Variants in ERMARD observed in about 807,000 individuals in gnomAD.
ERMARD encodes the protein endoplasmic reticulum membrane-associated RNA degradation protein.
Under a neutral mutation model 83.9 loss-of-function variants are expected in ERMARD, and 71 were observed. That is an observed-to-expected ratio of 0.85 (90% CI 0.70 to 1.03). The LOEUF (loss-of-function observed/expected upper bound fraction) is 1.03. Ranked by LOEUF, ERMARD falls within the 50% of genes least tolerant of loss-of-function variation. The probability of loss-of-function intolerance (pLI) is 0.00; values close to 1 mark genes in which losing one functional copy is unlikely to be tolerated. For synonymous variants in ERMARD, 284 were observed against 298.6 expected, an observed-to-expected ratio of 0.95 and a Z score of 0.50; for missense variants, 838 against 810.9, an observed-to-expected ratio of 1.03 and a Z score of -0.41.
At chr6:169,756,559 G>A in intron 4 of ERMARD, 120 bp downstream of exon 4, 1 of 980,050 alleles carries the variant, frequency 1.0e-6, no homozygotes, top group Non-Finnish European at 1.5e-6. Flanking sequence ...CATTTAGTAT[G>A]AATTTTTAAT....
chr6:169,751,512 A>T, upstream of ERMARD: 1 of 1,610,306 alleles, frequency 6.2e-7, no homozygotes, highest in Non-Finnish European at 8.5e-7. Flanking sequence ...CGGCGGTCAA[A>T]CGCCCTAGCC....
chr6:169,751,356 T>G (rs770448231), upstream of ERMARD: 1 of 1,614,066 alleles, frequency 6.2e-7, no homozygotes, highest in Non-Finnish European at 8.5e-7. Flanking sequence ...TTCTCGAACA[T>G]GCTAGGCCTC....
At chr6:169,766,577 A>G (rs1049521259) in intron 9 of ERMARD, 61 bp from the exon 10 acceptor site, 4 of 1,374,666 alleles carry the variant, frequency 2.9e-6, no homozygotes, top group Admixed American at 2.7e-5. Flanking sequence ...TATTTTGCAT[A>G]GTGTTAGTGT....
At chr6:169,771,825 C>T (rs1792958669) in intron 12 of ERMARD, 1 of 152,220 alleles carries the variant, frequency 6.6e-6, no homozygotes, top group African/African-American at 2.4e-5. Context: ...CACCTGAGGT[C>T]AGAAGTTCGA....
At chr6:169,758,575 T>G (rs1479992738) in intron 5 of ERMARD, among the ~76,000 whole-genome samples, 2 of 152,268 alleles carry the variant, frequency 1.3e-5, no homozygotes, top group Non-Finnish European at 2.9e-5. Context: ...CATATCATTG[T>G]CTTTTTACAT....
At chr6:169,764,950 T>C (rs943471106) in intron 9 of ERMARD, among the ~76,000 whole-genome samples, 7 of 152,246 alleles carry the variant, frequency 4.6e-5, no homozygotes, top group Non-Finnish European at 1.0e-4. Flanking sequence ...TGCTTTGCCT[T>C]ACTCGTGTGC....
Position 169,759,979 on chromosome 6 carries a change from G to C in ERMARD, c.742+5G>C. On this transcript the variant is annotated splice_donor_5th_base_variant and intron_variant, in intron 7 of 17. Coordinates refer to ENST00000366773, the MANE Select transcript of ERMARD (RefSeq NM_018341.3). ...AGGATTTGATTGTTTTTCCTGGTAA[G>C]TACTATGTTTCACATTTTTCCTTAT... 6.2e-7 allele frequency: 1 copy of C among 1,614,070 alleles called. No homozygotes were observed. Among genetic ancestry groups the C allele is most frequent in the South Asian group, 1.1e-5 (1 of 91,064 alleles).
rs1792453947 is a variant in ERMARD at position 169,768,182 on chromosome 6, G to A, written c.1059+11G>A. On this transcript the variant is annotated intron_variant, in intron 11 of 17. Coordinates refer to ENST00000366773, the MANE Select transcript of ERMARD (RefSeq NM_018341.3). The stretch of plus-strand genomic sequence containing the variant: ...GGAGAGCCTGCTATGGTAAGTATTA[G>A]GTATTTTCCAGGCTAATATTCTTGT... 18 of 1,610,622 alleles carry A rather than the reference G, an allele frequency of 1.1e-5. No individual in the cohort carries two copies. Among genetic ancestry groups the A allele is most frequent in the Non-Finnish European group, 1.5e-5 (18 of 1,177,046 alleles).
At chr6:169,759,532 G>A (rs530932977) in intron 6 of ERMARD, among the ~76,000 whole-genome samples, 6 of 151,994 alleles carry the variant, frequency 3.9e-5, no homozygotes, top group South Asian at 2.1e-4. Context: ...TGATCCTCCC[G>A]ACTCAGCCTC....
At chr6:169,754,146 C>G in intron 2 of ERMARD, 114 bp downstream of exon 2, 1 of 967,398 alleles carries the variant, frequency 1.0e-6, no homozygotes, top group Admixed American at 2.5e-5. Context: ...TGTTATAATA[C>G]AGGCCTAACT....
chr6:169,771,077 C>CTTTTTTTTTTTTTTTTT (rs60995171), intron 12 of ERMARD: 9 of 141,302 alleles, frequency 6.4e-5, no homozygotes, highest in Admixed American at 7.0e-5. Context: ...TCTTTTCTTT[C>CTTTTTTTTTTTTTTTTT]TTTTTTTTTT....
At chr6:169,752,157 G>A (rs1790202097) in intron 1 of ERMARD, among the ~76,000 whole-genome samples, 1 of 152,236 alleles carries the variant, frequency 6.6e-6, no homozygotes, top group Non-Finnish European at 1.5e-5. Flanking sequence ...GGAGGTGGAG[G>A]CTGCAGTGAG....
At chr6:169,763,180 C>T (rs2128349045) in intron 9 of ERMARD, among the ~76,000 whole-genome samples, 1 of 152,328 alleles carries the variant, frequency 6.6e-6, no homozygotes, top group Non-Finnish European at 1.5e-5. Context: ...GATCCTGCTG[C>T]TTAGTGACAG....
chr6:169,765,277 A>C (rs9383522), intron 9 of ERMARD, among the ~76,000 whole-genome samples: 88,917 of 152,252 alleles, frequency 0.58, 29,302 homozygotes, highest in East Asian at 0.98. Context: ...TATTATTAGC[A>C]CAGGCTTTCA....
chr6:169,751,449 G>A (rs1790061143), upstream of ERMARD: 1 of 1,613,920 alleles, frequency 6.2e-7, no homozygotes, highest in Non-Finnish European at 8.5e-7. Flanking sequence ...CCTCGGCCTC[G>A]CTTCTCCATC....
chr6:169,779,873 A>G (rs1408573928), intron 17 of ERMARD, among the ~76,000 whole-genome samples: 1 of 152,198 alleles, frequency 6.6e-6, no homozygotes, highest in Admixed American at 6.5e-5. Flanking sequence ...CACTTGTGTG[A>G]CCCACTTTAC....
intron 1 of ERMARD, chr6:169,751,959 TGGCGCGGG>T: frequency 2.3e-6 from 1 of 435,540 alleles, no homozygotes; most frequent in South Asian, 5.2e-5. Flanking sequence ...CTGTGCGCGG[TGGCGCGGG>T]GGCGGAAAGC....
At chr6:169,768,333 C>T (rs1792468101) in intron 11 of ERMARD, among the ~76,000 whole-genome samples, 162 bp downstream of exon 11, 1 of 152,182 alleles carries the variant, frequency 6.6e-6, no homozygotes, top group African/African-American at 2.4e-5. Context: ...CTGATGTTTG[C>T]CAAGCTGTCA....
intron 15 of ERMARD, 35 bp downstream of exon 15, chr6:169,776,100 A>G (rs766783714): frequency 1.2e-6 from 2 of 1,607,300 alleles, no homozygotes; most frequent in East Asian, 2.2e-5. Flanking sequence ...CTGTTGAAAC[A>G]TTGATTCAGC....
Sources: gnomAD v4.1 joint callset for allele counts (sites outside exome capture counted in the v4.1 genomes callset) on GRCh38, gnomAD v4.1.1 for gene constraint, MANE v1.5 for transcripts, NCBI Gene and HGNC (gene_info 2026-07-23, HGNC 2026-07-21) for gene names.